Variants in CDKL4 observed in about 807,000 individuals in gnomAD.
CDKL4 encodes the protein cyclin-dependent kinase-like 4.
In CDKL4, 44 loss-of-function variants were observed where a neutral mutation model predicts 42.0. The observed-to-expected ratio is 1.05, with a 90% CI of 0.82 to 1.35. CDKL4 has a LOEUF of 1.35. CDKL4 is among the 40% of genes most tolerant of loss of function. The pLI, the probability that CDKL4 is intolerant of heterozygous loss-of-function variation, is 0.00. For synonymous variants in CDKL4, 120 were observed against 121.6 expected (o/e 0.99, Z 0.09); for missense variants, 393 against 369.9 (o/e 1.06, Z -0.51).
At chr2:39,236,866 T>C (rs948084419) in intron 1 of CDKL4, among the ~76,000 whole-genome samples, 4 of 152,108 alleles carry the variant, frequency 2.6e-5, no homozygotes, top group South Asian at 2.1e-4. Context: ...ATTACAACCA[T>C]AACAAGTAAA....
intron 4 of CDKL4, among the ~76,000 whole-genome samples, chr2:39,210,558 C>T (rs186814284): frequency 3.5e-4 from 54 of 152,134 alleles, no homozygotes; most frequent in African/African-American, 1.3e-3. Flanking sequence ...ATAAAAATAT[C>T]CAATTTAGGT....
intron 1 of CDKL4, among the ~76,000 whole-genome samples, chr2:39,243,632 G>A (rs1679773865): frequency 6.6e-6 from 1 of 152,292 alleles, no homozygotes; most frequent in East Asian, 1.9e-4. Context: ...CCCCGCCGCC[G>A]CCCACTCCCT....
intron 1 of CDKL4, among the ~76,000 whole-genome samples, chr2:39,240,677 T>TAAAAAAAAAAAAAAAA (rs768356807): frequency 2.3e-5 from 2 of 87,924 alleles, no homozygotes; most frequent in Non-Finnish European, 4.8e-5. Context: ...AGATGAACAT[T>TAAAAAAAAAAAAAAAA]AAAAAAAAAA....
intron 5 of CDKL4, among the ~76,000 whole-genome samples, chr2:39,191,431 G>A (rs896658819): frequency 6.6e-6 from 1 of 152,106 alleles, no homozygotes; most frequent in Admixed American, 6.5e-5. Context: ...TAGAGACATG[G>A]AAGGGGCCTC....
At position 39,215,043 on chromosome 2, in the gene CDKL4, T is replaced by G. The variant is rs144175900; in HGVS notation, c.291-1571A>C. The stretch of plus-strand genomic sequence containing the variant: ...ACATCACTGTCCCATGATGATGCCT[T>G]CACATTTACACACTGCCAAACTACC... On this transcript the variant is annotated intron_variant, in intron 3 of 9. Transcript: ENST00000451199. Among the ~76,000 whole-genome samples the G allele has an allele frequency of 2.0e-3, 310 of 152,322 alleles. 1 individual carries two copies. Among genetic ancestry groups the G allele is most frequent in the Middle Eastern group, 0.01 (3 of 294 alleles).
chr2:39,187,524 GACA>G (rs1275103940), intron 7 of CDKL4, 100 bp downstream of exon 7: 1 of 807,076 alleles, frequency 1.2e-6, no homozygotes, highest in Non-Finnish European at 1.9e-6. Flanking sequence ...CAGCCTTGGT[GACA>G]GAGTGAGACA....
chr2:39,183,652 A>C (rs1041511022), intron 8 of CDKL4, among the ~76,000 whole-genome samples: 1 of 152,152 alleles, frequency 6.6e-6, no homozygotes, highest in Non-Finnish European at 1.5e-5. Flanking sequence ...CTAAATTGCA[A>C]GTGGGTCAGA....
chr2:39,231,141 G>A (rs1679072160), intron 1 of CDKL4, among the ~76,000 whole-genome samples: 1 of 152,168 alleles, frequency 6.6e-6, no homozygotes, highest in African/African-American at 2.4e-5. Context: ...GAACCCTGGA[G>A]GTGGAGGTTG....
intron 5 of CDKL4, among the ~76,000 whole-genome samples, chr2:39,200,423 C>T (rs1676779795): frequency 6.6e-6 from 1 of 151,988 alleles, no homozygotes; most frequent in African/African-American, 2.4e-5. Flanking sequence ...CAAAAGCAAC[C>T]TACAAATCCA....
chr2:39,168,104 A>T, the CDKL4 span, among the ~76,000 whole-genome samples: 1 of 152,132 alleles, frequency 6.6e-6, no homozygotes, highest in South Asian at 2.1e-4. Flanking sequence ...AATTTTTAAA[A>T]ACCATAATAT....
chr2:39,200,244 T>C (rs948476142), intron 5 of CDKL4, among the ~76,000 whole-genome samples: 2 of 151,750 alleles, frequency 1.3e-5, no homozygotes, highest in African/African-American at 2.4e-5. Context: ...TTACAATAGC[T>C]GCAAAAAAAT....
At chr2:39,197,070 T>A (rs1676563199) in intron 5 of CDKL4, among the ~76,000 whole-genome samples, 1 of 151,312 alleles carries the variant, frequency 6.6e-6, no homozygotes, top group South Asian at 2.1e-4. Flanking sequence ...CCTAAAGAAA[T>A]AAAAAAATGA....
chr2:39,174,237 T>G (rs1675079423), downstream of CDKL4, among the ~76,000 whole-genome samples: 1 of 151,846 alleles, frequency 6.6e-6, no homozygotes, highest in Non-Finnish European at 1.5e-5. Context: ...AGACCGTATC[T>G]CTACAAAAAA....
At chr2:39,177,315 G>A (rs1168931768) in intron 9 of CDKL4, among the ~76,000 whole-genome samples, 1 of 152,106 alleles carries the variant, frequency 6.6e-6, no homozygotes, top group Non-Finnish European at 1.5e-5. Flanking sequence ...AGATTCCCAG[G>A]TAGACAGTGA....
intron 6 of CDKL4, 36 bp from the exon 7 acceptor site, chr2:39,187,745 T>C: frequency 6.8e-7 from 1 of 1,469,356 alleles, no homozygotes; most frequent in East Asian, 2.3e-5. Context: ...ATCATAAATT[T>C]GGCAAAGAAT....
intron 1 of CDKL4, among the ~76,000 whole-genome samples, chr2:39,238,322 G>C (rs1045408378): frequency 1.3e-5 from 2 of 152,140 alleles, no homozygotes; most frequent in African/African-American, 4.8e-5. Context: ...GGTCTCAGCT[G>C]CTTGGGATGT....
In CDKL4 at chr2:39,195,595, T is replaced by C. The variant is rs143957324; in HGVS notation, c.455-5093A>G. On this transcript the variant is annotated intron_variant, in intron 5 of 9. Transcript: ENST00000451199. ...GCATCTTTCATGTGCTTATTGGCCA[T>C]TCGTATAGCTTCTTTTTTACTTTTT... 4.5e-3 allele frequency among the ~76,000 whole-genome samples: 688 copies of C among 152,154 alleles called. 4 individuals are homozygous for C. Among genetic ancestry groups the C allele is most frequent in the African/African-American group, 0.016 (659 of 41,530 alleles).
chr2:39,201,306 A>AT (rs923720121), intron 5 of CDKL4, among the ~76,000 whole-genome samples: 6 of 151,098 alleles, frequency 4.0e-5, no homozygotes, highest in South Asian at 2.1e-4. Context: ...CAAAAAAATA[A>AT]AAAAAAAAAA....
chr2:39,224,701 AC>A (rs1475145932), intron 3 of CDKL4, among the ~76,000 whole-genome samples: 1 of 151,910 alleles, frequency 6.6e-6, no homozygotes, highest in Non-Finnish European at 1.5e-5. Context: ...ACAGGGGTTC[AC>A]CATGTTGGCC....
Sources: allele counts gnomAD v4.1 joint callset (sites outside exome capture counted in the v4.1 genomes callset), GRCh38; gene constraint gnomAD v4.1.1; transcripts MANE v1.5; gene names NCBI Gene and HGNC (gene_info 2026-07-23, HGNC 2026-07-21).